Variants in HEMK2 observed in about 807,000 individuals in gnomAD.
HEMK2 encodes the protein HemK methyltransferase 2, ETF1 glutamine and histone H4 lysine.
At chr21:28,786,125 T>A in the HEMK2 span, among the ~76,000 whole-genome samples, 1 of 152,170 alleles carries the variant, frequency 6.6e-6, no homozygotes, top group Non-Finnish European at 1.5e-5. Context: ...GTTAACTGAA[T>A]GGAAATGAGA....
the HEMK2 span, among the ~76,000 whole-genome samples, chr21:28,828,166 G>C: frequency 7.2e-6 from 1 of 138,732 alleles, no homozygotes; most frequent in Non-Finnish European, 1.5e-5. Context: ...ACTGATATAA[G>C]CGTAAGACCC....
chr21:28,688,575 C>T, the HEMK2 span, among the ~76,000 whole-genome samples: 1 of 151,616 alleles, frequency 6.6e-6, no homozygotes, highest in African/African-American at 2.4e-5. Flanking sequence ...TAGGATGACA[C>T]ATACTAGGTT....
At chr21:28,591,399 G>T in the HEMK2 span, among the ~76,000 whole-genome samples, 1 of 152,072 alleles carries the variant, frequency 6.6e-6, no homozygotes, top group Non-Finnish European at 1.5e-5. Flanking sequence ...CTGTGAGTAT[G>T]TTCAGTGATA....
the HEMK2 span, among the ~76,000 whole-genome samples, chr21:28,778,846 T>C: frequency 6.6e-6 from 1 of 152,228 alleles, no homozygotes; most frequent in Admixed American, 6.5e-5. Context: ...TTGCTGGATA[T>C]GTGGTTTGCA....
At chr21:28,793,640 A>G in the HEMK2 span, among the ~76,000 whole-genome samples, 1 of 152,202 alleles carries the variant, frequency 6.6e-6, no homozygotes, top group East Asian at 1.9e-4. Flanking sequence ...CAGCATCCCA[A>G]TCCCCAAAAT....
the HEMK2 span, among the ~76,000 whole-genome samples, chr21:28,834,667 C>T: frequency 6.6e-6 from 1 of 152,140 alleles, no homozygotes; most frequent in African/African-American, 2.4e-5. Flanking sequence ...GGGGAGGGCA[C>T]AAATCCGGCA....
chr21:28,799,308 CT>C, the HEMK2 span, among the ~76,000 whole-genome samples: 3 of 152,126 alleles, frequency 2.0e-5, no homozygotes, highest in Non-Finnish European at 4.4e-5. Flanking sequence ...AGAAACTTCC[CT>C]TTTTAAAATC....
the HEMK2 span, chr21:28,882,894 A>C: frequency 2.3e-6 from 2 of 868,078 alleles, no homozygotes; most frequent in Non-Finnish European, 3.4e-6. Flanking sequence ...TAAATACTAT[A>C]AGATACATAC....
At chr21:28,728,840 T>A in the HEMK2 span, among the ~76,000 whole-genome samples, 1 of 152,222 alleles carries the variant, frequency 6.6e-6, no homozygotes, top group Admixed American at 6.5e-5. Context: ...CAGTACATTT[T>A]AATCTTCTCA....
At chr21:28,668,198 G>A in the HEMK2 span, among the ~76,000 whole-genome samples, 1 of 152,124 alleles carries the variant, frequency 6.6e-6, no homozygotes, top group Non-Finnish European at 1.5e-5. Context: ...ACAGAAATGT[G>A]GAAAAAGGAA....
chr21:28,766,886 G>A, the HEMK2 span, among the ~76,000 whole-genome samples: 1 of 152,042 alleles, frequency 6.6e-6, no homozygotes, highest in South Asian at 2.1e-4. Context: ...AAAAGACTAT[G>A]TATTGGTTAT....
At chr21:28,639,496 G>C in the HEMK2 span, among the ~76,000 whole-genome samples, 8 of 152,178 alleles carry the variant, frequency 5.3e-5, no homozygotes, top group Non-Finnish European at 1.5e-5. Context: ...AATAGTAACT[G>C]ATCAAATGAT....
the HEMK2 span, among the ~76,000 whole-genome samples, chr21:28,748,609 G>A: frequency 2.0e-5 from 3 of 152,042 alleles, no homozygotes; most frequent in African/African-American, 7.2e-5. Context: ...GAAAATTCCA[G>A]GAAACCAAAA....
the HEMK2 span, among the ~76,000 whole-genome samples, chr21:28,592,582 C>T: frequency 1.3e-5 from 2 of 152,214 alleles, no homozygotes; most frequent in African/African-American, 2.4e-5. Flanking sequence ...AGGAGGCAGA[C>T]GACTCTGGAG....
chr21:28,758,161 A>T, the HEMK2 span, among the ~76,000 whole-genome samples: 1 of 152,192 alleles, frequency 6.6e-6, no homozygotes, highest in Non-Finnish European at 1.5e-5. Flanking sequence ...TGTGATCCTA[A>T]GACAAAAATG....
At chr21:28,739,157 C>A in the HEMK2 span, among the ~76,000 whole-genome samples, 1 of 152,182 alleles carries the variant, frequency 6.6e-6, no homozygotes, top group African/African-American at 2.4e-5. Context: ...CATTGACATG[C>A]GTATTTCTGA....
the HEMK2 span, among the ~76,000 whole-genome samples, chr21:28,616,405 G>A: frequency 1.4e-4 from 22 of 152,264 alleles, no homozygotes; most frequent in African/African-American, 5.3e-4. Context: ...AATGAACCGT[G>A]CCTAAAATGT....
At chr21:28,792,800 A>T in the HEMK2 span, among the ~76,000 whole-genome samples, 1 of 151,980 alleles carries the variant, frequency 6.6e-6, no homozygotes, top group Non-Finnish European at 1.5e-5. Flanking sequence ...ACAGCTTCCT[A>T]TGCCTTCCTA....
At chr21:28,651,941 T>C in the HEMK2 span, among the ~76,000 whole-genome samples, 1 of 152,232 alleles carries the variant, frequency 6.6e-6, no homozygotes, top group Non-Finnish European at 1.5e-5. Flanking sequence ...ACCTGTCTTA[T>C]AAATTTTCCC....
Sources: allele counts gnomAD v4.1 joint callset (sites outside exome capture counted in the v4.1 genomes callset), GRCh38; gene constraint gnomAD v4.1.1; transcripts MANE v1.5; gene names NCBI Gene and HGNC (gene_info 2026-07-23, HGNC 2026-07-21).